DLG2: variants seen among roughly 807,000 people sequenced by gnomAD.
DLG2 encodes discs large MAGUK scaffold protein 2.
In DLG2, 45 loss-of-function variants were observed where a neutral mutation model predicts 132.5. The observed-to-expected ratio is 0.34, with a 90% confidence interval of 0.27 to 0.44. The LOEUF is 0.44. Ranked by LOEUF, DLG2 falls within the 20% of genes least tolerant of loss-of-function variation. The pLI, the probability that DLG2 is intolerant of heterozygous loss-of-function variation, is 1.00. For missense variants in DLG2, 1,045 were observed against 1,196.9 expected (o/e 0.87, Z 1.87); for synonymous variants, 424 against 419.6 (o/e 1.01, Z -0.13).
intron 21 of DLG2, among the ~76,000 whole-genome samples, chr11:83,501,348 C>G (rs745783246): frequency 6.6e-6 from 1 of 151,976 alleles, no homozygotes; most frequent in African/African-American, 2.4e-5. Flanking sequence ...GCTCTAGGGT[C>G]CATAGATGGA....
intron 15 of DLG2, among the ~76,000 whole-genome samples, chr11:83,874,725 T>G (rs2064326980): frequency 6.6e-6 from 1 of 152,140 alleles, no homozygotes; most frequent in Non-Finnish European, 1.5e-5. Flanking sequence ...TTGAACATTT[T>G]AATCGGTCCT....
At chr11:84,894,765 G>A (rs781236359) in intron 6 of DLG2, among the ~76,000 whole-genome samples, 4 of 152,178 alleles carry the variant, frequency 2.6e-5, no homozygotes, top group Non-Finnish European at 5.9e-5. Context: ...TACTGGGATA[G>A]AGATGGAAGG....
At chr11:83,595,806 G>C (rs2057481599) in intron 19 of DLG2, among the ~76,000 whole-genome samples, 1 of 152,152 alleles carries the variant, frequency 6.6e-6, no homozygotes, top group Non-Finnish European at 1.5e-5. Flanking sequence ...GATGACAAGA[G>C]TTTCAAAAAC....
chr11:84,074,660 C>G (rs372413843), intron 10 of DLG2, among the ~76,000 whole-genome samples: 1 of 151,786 alleles, frequency 6.6e-6, no homozygotes, highest in East Asian at 1.9e-4. Context: ...TCCCAAGTAG[C>G]TGGGACTATA....
chr11:85,476,783 T>C (rs1327545906), intron 3 of DLG2, among the ~76,000 whole-genome samples: 6 of 152,092 alleles, frequency 3.9e-5, no homozygotes, highest in Non-Finnish European at 5.9e-5. Context: ...TTATCTACTA[T>C]GATTAACAAT....
intron 15 of DLG2, among the ~76,000 whole-genome samples, chr11:83,885,855 A>G (rs1476165715): frequency 1.3e-5 from 2 of 152,184 alleles, no homozygotes; most frequent in Non-Finnish European, 2.9e-5. Context: ...ACTAAGCTTC[A>G]TAAGTGAAGG....
chr11:83,746,681 C>A (rs12788595), intron 18 of DLG2, among the ~76,000 whole-genome samples: 7,576 of 152,078 alleles, frequency 0.05, 213 homozygotes, highest in Middle Eastern at 0.1. Flanking sequence ...ACATATGTAA[C>A]AAACCTGCAC....
At chr11:85,113,464 C>T (rs1445842276) in intron 5 of DLG2, among the ~76,000 whole-genome samples, 1 of 151,966 alleles carries the variant, frequency 6.6e-6, no homozygotes, top group Non-Finnish European at 1.5e-5. Context: ...TCTATTATTA[C>T]CTGATTTCTG....
At chr11:85,082,735 CTT>C (rs71036458) in intron 6 of DLG2, among the ~76,000 whole-genome samples, 23 of 113,386 alleles carry the variant, frequency 2.0e-4, no homozygotes, top group South Asian at 1.2e-3. Context: ...TCTTTTCTTT[CTT>C]TTTTTTTTTT....
chr11:83,585,669 T>A (rs575617056), intron 19 of DLG2, among the ~76,000 whole-genome samples: 1 of 152,354 alleles, frequency 6.6e-6, no homozygotes, highest in South Asian at 2.1e-4. Context: ...ATTACTTGAA[T>A]AGTATTTTTC....
At chr11:84,613,700 T>C (rs2099599325) in intron 6 of DLG2, among the ~76,000 whole-genome samples, 1 of 152,132 alleles carries the variant, frequency 6.6e-6, no homozygotes, top group South Asian at 2.1e-4. Flanking sequence ...ATGAGAAGGA[T>C]ACAAATTAAA....
chr11:83,753,636 T>C (rs570894302), intron 18 of DLG2, among the ~76,000 whole-genome samples: 2 of 140,294 alleles, frequency 1.4e-5, no homozygotes, highest in Non-Finnish European at 3.0e-5. Flanking sequence ...ATAAAATTGA[T>C]ATAAAATATA....
intron 14 of DLG2, among the ~76,000 whole-genome samples, chr11:83,945,910 T>A (rs543985409): frequency 1.2e-3 from 175 of 150,272 alleles, no homozygotes; most frequent in African/African-American, 4.1e-3. Context: ...TTCCTTCTCT[T>A]TCCTTCTTTC....
At chr11:84,876,337 ATTAATTAC>A (rs2086347409) in intron 6 of DLG2, among the ~76,000 whole-genome samples, 1 of 152,172 alleles carries the variant, frequency 6.6e-6, no homozygotes, top group African/African-American at 2.4e-5. Context: ...TTGGTAGGCT[ATTAATTAC>A]TGCCTCAATT....
chr11:85,074,758 T>C (rs2066304884), intron 6 of DLG2, among the ~76,000 whole-genome samples: 2 of 151,900 alleles, frequency 1.3e-5, no homozygotes. Context: ...TCTAACTTCA[T>C]GCTTTTGTGC....
chr11:84,552,708 C>T (rs2099404240), intron 6 of DLG2, among the ~76,000 whole-genome samples: 1 of 152,162 alleles, frequency 6.6e-6, no homozygotes, highest in African/African-American at 2.4e-5. Context: ...GCCAGGTATT[C>T]AGTGGGTCCT....
chr11:85,326,403 A>G (rs1363192879), intron 3 of DLG2, among the ~76,000 whole-genome samples: 25 of 117,300 alleles, frequency 2.1e-4, no homozygotes, highest in African/African-American at 7.4e-4. Flanking sequence ...AGGAAAGCCC[A>G]TCAGACTAAC....
chr11:84,471,904 T>C (rs911521147), intron 7 of DLG2, among the ~76,000 whole-genome samples: 1 of 151,844 alleles, frequency 6.6e-6, no homozygotes, highest in Non-Finnish European at 1.5e-5. Context: ...TTGTTTTTCT[T>C]ATACAGTTCA....
chr11:84,657,645 T>C (rs1335602818), intron 6 of DLG2, among the ~76,000 whole-genome samples: 1 of 152,162 alleles, frequency 6.6e-6, no homozygotes, highest in Non-Finnish European at 1.5e-5. Flanking sequence ...ATAGGTTTCC[T>C]GCTCCTATGA....
Sources: allele counts gnomAD v4.1 joint callset (sites outside exome capture counted in the v4.1 genomes callset), GRCh38; gene constraint gnomAD v4.1.1; transcripts MANE v1.5; gene names NCBI Gene and HGNC (gene_info 2026-07-23, HGNC 2026-07-21).